Variants in CADPS observed in about 807,000 individuals in gnomAD.
The protein encoded by CADPS is calcium-dependent secretion activator 1.
A neutral mutation model predicts 167.3 loss-of-function variants in CADPS; 57 were observed. That is an observed-to-expected ratio of 0.34 (90% CI 0.28 to 0.42). The LOEUF is 0.42. CADPS is among the 20% of genes least tolerant of loss of function. The pLI is 1.00. For missense variants in CADPS, 1,414 were observed against 1,738.1 expected, an observed-to-expected ratio of 0.81 and a Z score of 3.32; for synonymous variants, 676 against 635.3, an observed-to-expected ratio of 1.06 and a Z score of -0.96.
At chr3:62,551,778 T>A (rs538900953) in intron 10 of CADPS, among the ~76,000 whole-genome samples, 4 of 152,166 alleles carry the variant, frequency 2.6e-5, no homozygotes, top group Non-Finnish European at 5.9e-5. Flanking sequence ...CCTTTGCAAT[T>A]GCTTTTCTCT....
At chr3:62,531,041 T>G (rs1251044854) in intron 13 of CADPS, among the ~76,000 whole-genome samples, 1 of 152,214 alleles carries the variant, frequency 6.6e-6, no homozygotes, top group Non-Finnish European at 1.5e-5. Flanking sequence ...CATGACAAGA[T>G]GTATAAACCT....
At chr3:62,706,265 C>A (rs1458290087) in intron 3 of CADPS, among the ~76,000 whole-genome samples, 1 of 152,164 alleles carries the variant, frequency 6.6e-6, no homozygotes, top group African/African-American at 2.4e-5. Flanking sequence ...CAATATTATT[C>A]TCAGTCACTA....
At chr3:62,566,389 G>A (rs910837316) in intron 9 of CADPS, among the ~76,000 whole-genome samples, 1 of 149,452 alleles carries the variant, frequency 6.7e-6, no homozygotes, top group South Asian at 2.2e-4. Context: ...AGCTGTTGGG[G>A]GCCAATTGCC....
At chr3:62,591,788 C>T (rs1379433737) in intron 7 of CADPS, among the ~76,000 whole-genome samples, 3 of 152,094 alleles carry the variant, frequency 2.0e-5, no homozygotes, top group African/African-American at 4.8e-5. Flanking sequence ...TTTTGATTGA[C>T]AAAATAATTG....
intron 6 of CADPS, among the ~76,000 whole-genome samples, chr3:62,631,229 G>GAGTTTACTACT (rs1219075218): frequency 2.0e-5 from 3 of 152,092 alleles, no homozygotes; most frequent in Non-Finnish European, 4.4e-5. Flanking sequence ...TAGTTAATCT[G>GAGTTTACTACT]AGTTTACTGT....
intron 1 of CADPS, among the ~76,000 whole-genome samples, chr3:62,768,465 G>T (rs1218527890): frequency 6.6e-6 from 1 of 152,148 alleles, no homozygotes; most frequent in African/African-American, 2.4e-5. Flanking sequence ...CCATATGAAT[G>T]ATCAAGATTG....
intron 3 of CADPS, among the ~76,000 whole-genome samples, chr3:62,666,165 C>T (rs906235465): frequency 6.6e-5 from 10 of 152,154 alleles, no homozygotes; most frequent in African/African-American, 2.2e-4. Context: ...CTCCCACTTT[C>T]TCTGGGGTCG....
intron 8 of CADPS, among the ~76,000 whole-genome samples, chr3:62,584,836 C>T (rs1404063713): frequency 6.6e-6 from 1 of 152,208 alleles, no homozygotes; most frequent in Non-Finnish European, 1.5e-5. Flanking sequence ...GCAAGTGAGT[C>T]ATATGCAGAG....
chr3:62,512,244 A>G (rs2067999939), intron 17 of CADPS, among the ~76,000 whole-genome samples: 1 of 152,048 alleles, frequency 6.6e-6, no homozygotes, highest in South Asian at 2.1e-4. Flanking sequence ...CTCTAATACA[A>G]CTTCCAGCAA....
chr3:62,552,928 A>C (rs1252334143), intron 10 of CADPS, among the ~76,000 whole-genome samples: 1 of 152,210 alleles, frequency 6.6e-6, no homozygotes, highest in Non-Finnish European at 1.5e-5. Context: ...GCAAGCTGGG[A>C]AAATCTGATG....
chr3:62,658,023 T>C (rs1047895347), intron 4 of CADPS, among the ~76,000 whole-genome samples: 2 of 152,056 alleles, frequency 1.3e-5, no homozygotes, highest in African/African-American at 4.8e-5. Context: ...CAACTTCTAG[T>C]GGAGAAAAGA....
chr3:62,413,033 T>C (rs1056929759), intron 28 of CADPS, among the ~76,000 whole-genome samples: 3 of 152,156 alleles, frequency 2.0e-5, no homozygotes, highest in Non-Finnish European at 1.5e-5. Context: ...AGGCTATCTT[T>C]CCTAATAATC....
At chr3:62,580,619 A>G (rs1475018962) in intron 8 of CADPS, among the ~76,000 whole-genome samples, 1 of 107,596 alleles carries the variant, frequency 9.3e-6, no homozygotes, top group Non-Finnish European at 1.8e-5. Context: ...AAGAGGCAAG[A>G]AAAAAACCAC....
chr3:62,514,793 C>A lies in CADPS; in HGVS notation c.2581+1266G>T, dbSNP rs2068603982. ...ATTGTTAGGTACCTGGCTGACTTTA[C>A]CAAATACAACCAATCATTACGTCCT... On this transcript the variant is annotated intron_variant, in intron 16 of 29. Transcript: ENST00000383710. The surrounding 1 kb of genome is among the most constrained non-coding windows in gnomAD (Gnocchi z 4.2). 6.6e-6 allele frequency among the ~76,000 whole-genome samples: 1 copy of A among 152,146 alleles called. No individual in the cohort carries two copies. Among genetic ancestry groups the A allele is most frequent in the Admixed American group, 6.6e-5 (1 of 15,258 alleles).
At chr3:62,731,422 C>T (rs761002522) in intron 3 of CADPS, among the ~76,000 whole-genome samples, 8 of 152,138 alleles carry the variant, frequency 5.3e-5, no homozygotes, top group Non-Finnish European at 1.2e-4. Flanking sequence ...GCAAAAATCT[C>T]AAATTCAGTA....
chr3:62,751,696 C>A (rs2082742663), intron 3 of CADPS, among the ~76,000 whole-genome samples: 1 of 152,152 alleles, frequency 6.6e-6, no homozygotes, highest in South Asian at 2.1e-4. Flanking sequence ...GCTGAGATTA[C>A]AGGCATGAGC....
intron 3 of CADPS, among the ~76,000 whole-genome samples, chr3:62,724,575 A>G (rs892686611): frequency 1.3e-5 from 2 of 152,196 alleles, no homozygotes; most frequent in African/African-American, 4.8e-5. Context: ...CCAAATAATA[A>G]AGCATTCTCA....
intron 23 of CADPS, among the ~76,000 whole-genome samples, chr3:62,474,997 A>G (rs560834526): frequency 6.6e-6 from 1 of 152,298 alleles, no homozygotes; most frequent in African/African-American, 2.4e-5. Flanking sequence ...TTTGTTTTCA[A>G]TGTCAATGTA....
chr3:62,463,587 T>C (rs1408228649), intron 26 of CADPS, among the ~76,000 whole-genome samples: 1 of 152,054 alleles, frequency 6.6e-6, no homozygotes, highest in African/African-American at 2.4e-5. Context: ...TGAATCCCAC[T>C]CTCTCCAGGA....
Sources: gnomAD v4.1 joint callset for allele counts (sites outside exome capture counted in the v4.1 genomes callset) on GRCh38, gnomAD v4.1.1 for gene constraint, Gnocchi (gnomAD v3.1) non-coding constraint, MANE v1.5 for transcripts, NCBI Gene and HGNC (gene_info 2026-07-23, HGNC 2026-07-21) for gene names.